The following TRIQK variants were observed in gnomAD, a reference collection of about 807,000 sequenced individuals.
The protein encoded by TRIQK is triple QxxK/R motif containing, also known as triple QxxK/R motif-containing protein.
In TRIQK, 10 loss-of-function variants were observed where a neutral mutation model predicts 10.8. That is an observed-to-expected ratio of 0.92 (90% CI 0.57 to 1.57). The LOEUF (loss-of-function observed/expected upper bound fraction) is 1.57. TRIQK is among the 40% of genes most tolerant of loss of function. TRIQK has a pLI of 0.00. For synonymous variants in TRIQK, 33 were observed against 33.7 expected (o/e 0.98, Z 0.07); for missense variants, 107 against 97.7 (o/e 1.09, Z -0.40).
At chr8:92,920,102 AT>A (rs763726520) in intron 2 of TRIQK, among the ~76,000 whole-genome samples, 8 of 150,584 alleles carry the variant, frequency 5.3e-5, no homozygotes, top group East Asian at 3.9e-4. Context: ...TTTTTTTTGT[AT>A]TTTTTTGTCA....
At position 92,943,597 on chromosome 8, in the gene TRIQK, G is replaced by A. The variant is rs575830688; in HGVS notation, c.-22+10809C>T. 2.0e-5 allele frequency among the ~76,000 whole-genome samples: 3 copies of A among 152,294 alleles called. No individual in the cohort carries two copies. In the South Asian group the frequency reaches 6.2e-4, roughly 32 times the overall value. On this transcript the variant is annotated intron_variant, in intron 2 of 4. Coordinates refer to ENST00000521988, the MANE Select transcript of TRIQK (RefSeq NM_001171797.2). ...AAAAGAACAGTCTCTTCAATAAATG[G>A]TTCTGGGAAAAGTGGACATCCACAT...
chr8:92,952,091 A>C (rs949608122), intron 2 of TRIQK, among the ~76,000 whole-genome samples: 1 of 151,966 alleles, frequency 6.6e-6, no homozygotes, highest in African/African-American at 2.4e-5. Flanking sequence ...AAAAAAAAAA[A>C]CACAATTTGA....
intron 1 of TRIQK, among the ~76,000 whole-genome samples, chr8:92,994,357 C>A (rs1813129362): frequency 6.6e-6 from 1 of 151,646 alleles, no homozygotes; most frequent in African/African-American, 2.4e-5. Context: ...ATCTATATAT[C>A]CCTAGTGTCT....
chr8:92,985,709 T>G (rs1813024383), intron 1 of TRIQK, among the ~76,000 whole-genome samples: 1 of 152,174 alleles, frequency 6.6e-6, no homozygotes, highest in South Asian at 2.1e-4. Context: ...AATAAAATGT[T>G]TGTAAAATGA....
chr8:92,951,460 T>C (rs1466503223), intron 2 of TRIQK, among the ~76,000 whole-genome samples: 1 of 151,964 alleles, frequency 6.6e-6, no homozygotes, highest in South Asian at 2.1e-4. Context: ...CAGAAACCCG[T>C]GAGAGGAAAT....
intron 1 of TRIQK, among the ~76,000 whole-genome samples, chr8:93,003,238 G>A (rs1040871554): frequency 2.0e-5 from 3 of 151,694 alleles, no homozygotes; most frequent in African/African-American, 7.3e-5. Flanking sequence ...ATGGCTGGGT[G>A]GGGGCGGTGC....
intron 3 of TRIQK, among the ~76,000 whole-genome samples, chr8:92,896,077 C>G (rs929114405): frequency 1.3e-5 from 2 of 152,106 alleles, no homozygotes; most frequent in Admixed American, 1.3e-4. Context: ...GAGAATGCCC[C>G]TCCCAAAATA....
chr8:92,986,796 T>G (rs941730782), intron 1 of TRIQK, among the ~76,000 whole-genome samples: 1 of 152,102 alleles, frequency 6.6e-6, no homozygotes, highest in Non-Finnish European at 1.5e-5. Flanking sequence ...AATACAGAGA[T>G]TGGAGGCTGA....
chr8:92,901,506 T>A (rs989859795), intron 3 of TRIQK, among the ~76,000 whole-genome samples: 4 of 152,198 alleles, frequency 2.6e-5, no homozygotes, highest in African/African-American at 9.7e-5. Flanking sequence ...GAAATGATCA[T>A]AGGGTTTTTG....
chr8:92,925,023 T>A (rs1008634133), intron 2 of TRIQK, among the ~76,000 whole-genome samples: 1 of 152,088 alleles, frequency 6.6e-6, no homozygotes, highest in Admixed American at 6.6e-5. Context: ...CCAACATTGA[T>A]ATGAAAATTT....
intron 2 of TRIQK, among the ~76,000 whole-genome samples, chr8:92,921,031 G>A (rs965106130): frequency 5.3e-5 from 8 of 151,696 alleles, no homozygotes; most frequent in Non-Finnish European, 1.0e-4. Context: ...CTCGTGAGCA[G>A]AGGTTTTATC....
At chr8:92,990,476 GGAA>G (rs1229744635) in intron 1 of TRIQK, among the ~76,000 whole-genome samples, 1 of 152,138 alleles carries the variant, frequency 6.6e-6, no homozygotes, top group Non-Finnish European at 1.5e-5. Flanking sequence ...TGGCCCAATA[GGAA>G]GAGCTCCGGT....
intron 1 of TRIQK, among the ~76,000 whole-genome samples, chr8:92,978,712 G>C (rs572524946): frequency 6.6e-6 from 1 of 152,194 alleles, no homozygotes; most frequent in East Asian, 1.9e-4. Context: ...GGCAACCACA[G>C]TCCTTTGGTG....
chr8:92,930,086 G>T (rs1312481304), intron 2 of TRIQK, among the ~76,000 whole-genome samples: 1 of 151,160 alleles, frequency 6.6e-6, no homozygotes, highest in Non-Finnish European at 1.5e-5. Context: ...ATTTTAAAAA[G>T]ATTACAATAG....
chr8:93,009,939 A>C (rs1037374770), intron 1 of TRIQK, among the ~76,000 whole-genome samples: 2 of 152,208 alleles, frequency 1.3e-5, no homozygotes, highest in African/African-American at 4.8e-5. Context: ...CTATTCAGAC[A>C]TAAAAAAATA....
At chr8:92,891,940 GA>G (rs1231136021) in intron 4 of TRIQK, 48 bp downstream of exon 4, 1 of 1,263,770 alleles carries the variant, frequency 7.9e-7, no homozygotes, top group Admixed American at 2.6e-5. Flanking sequence ...TTTAGAAAAT[GA>G]AATGGCATGC....
chr8:92,994,563 C>T (rs973121987), intron 1 of TRIQK, among the ~76,000 whole-genome samples: 1 of 151,732 alleles, frequency 6.6e-6, no homozygotes, highest in East Asian at 1.9e-4. Flanking sequence ...ATGCTTACCA[C>T]TTAATTTATT....
At chr8:92,996,228 T>C (rs550474381) in intron 1 of TRIQK, among the ~76,000 whole-genome samples, 1 of 152,262 alleles carries the variant, frequency 6.6e-6, no homozygotes, top group South Asian at 2.1e-4. Context: ...TCTCCAGCAC[T>C]ACACTTGGTG....
At chr8:93,003,776 A>G (rs984326497) in intron 1 of TRIQK, among the ~76,000 whole-genome samples, 2 of 152,206 alleles carry the variant, frequency 1.3e-5, no homozygotes, top group African/African-American at 4.8e-5. Flanking sequence ...CCATTCCAAA[A>G]GGAAGAAATT....
Sources: gnomAD v4.1 joint callset for allele counts (sites outside exome capture counted in the v4.1 genomes callset) on GRCh38, gnomAD v4.1.1 for gene constraint, MANE v1.5 for transcripts, NCBI Gene and HGNC (gene_info 2026-07-23, HGNC 2026-07-21) for gene names.